PEX3: variants seen among roughly 807,000 people sequenced by gnomAD.
The protein encoded by PEX3 is peroxin-3.
Under a neutral mutation model 55.8 loss-of-function variants are expected in PEX3, and 30 were observed. The observed-to-expected ratio is 0.54, with a 90% confidence interval of 0.40 to 0.73. PEX3 has a LOEUF of 0.73. Ranked by LOEUF, PEX3 falls within the 30% of genes least tolerant of loss-of-function variation. The pLI, the probability that PEX3 is intolerant of heterozygous loss-of-function variation, is 0.00. For missense variants in PEX3, 351 were observed against 432.8 expected (o/e 0.81, Z 1.68); for synonymous variants, 135 against 148.4 (o/e 0.91, Z 0.66).
intron 4 of PEX3, 70 bp downstream of exon 4, chr6:143,468,235 T>C: frequency 2.0e-6 from 2 of 1,023,256 alleles, no homozygotes; most frequent in Non-Finnish European, 3.1e-6. Context: ...TGCATTCTAT[T>C]AGGATGACTC....
In PEX3 at chr6:143,488,667, G is replaced by A. The variant is rs1270875310; in HGVS notation, c.1039-476G>A. Among the ~76,000 whole-genome samples, 1 of 151,944 alleles carries A rather than the reference G, an allele frequency of 6.6e-6. No individual in the cohort carries two copies. Among genetic ancestry groups the A allele is most frequent in the Non-Finnish European group, 1.5e-5 (1 of 67,950 alleles). On this transcript the variant is annotated intron_variant, in intron 11 of 11. Transcript: ENST00000367591. The surrounding 1 kb of genome is among the most constrained non-coding windows in gnomAD (Gnocchi z 4.9). ...ATCTTCACATTCGCAAATCCCTTGG[G>A]GTGTTAATAACCCTTACACTATAGT...
At position 143,459,269 on chromosome 6, in the gene PEX3, A is replaced by G. The variant is rs1584003150; in HGVS notation, c.205+53A>G. 6.8e-7 allele frequency: 1 copy of G among 1,478,552 alleles called. No individual in the cohort carries two copies. The highest frequency in any genetic ancestry group is 2.3e-5 in the East Asian group (1 of 43,992). 91.6% of individuals were successfully genotyped at this position (1,478,552 alleles called of 1,614,324 possible). On this transcript the variant is annotated intron_variant, in intron 2 of 11. Transcript: ENST00000367591. This position sits in a 1 kb window ranked among gnomAD's most constrained non-coding sequence, Gnocchi z 4.2. The stretch of plus-strand genomic sequence containing the variant: ...GTAAAGTTGTTTGACGGTTGTATTA[A>G]TTTGCATATCACCGGGATCAAATTT...
At position 143,477,811 on chromosome 6, in the gene PEX3, C is replaced by T. The variant is rs147936403; in HGVS notation, c.819-1265C>T. Among the ~76,000 whole-genome samples, 118 of 152,158 alleles carry T rather than the reference C, an allele frequency of 7.8e-4. 4 individuals carry two copies. In the East Asian group the frequency reaches 0.019, roughly 25 times the overall value. On this transcript the variant is annotated intron_variant, in intron 9 of 11. Coordinates refer to ENST00000367591, the MANE Select transcript of PEX3 (RefSeq NM_003630.3). ...CTATGATGATCTTTTCTTCAGTTTC[C>T]ATTTCTTCAACTTTCATCCCCTTAA...
chr6:143,485,025 G>GT lies in PEX3; in HGVS notation c.942-119dup, dbSNP rs373007302. The stretch of plus-strand genomic sequence containing the variant: ...TATTTCTAAGCGATAGAATTGTGGG[G>GT]TTTTTTTTCCTTTTTAATAGATTTC... On this transcript the variant is annotated intron_variant, in intron 10 of 11. Transcript: ENST00000367591. This position sits in a 1 kb window ranked among gnomAD's most constrained non-coding sequence, Gnocchi z 5.6. 6.3e-5 allele frequency: 44 copies of GT among 696,184 alleles called. No homozygotes were observed. The highest frequency in any genetic ancestry group is 1.6e-4 in the Admixed American group (7 of 45,068). 43.1% of individuals were successfully genotyped at this position (696,184 alleles called of 1,614,324 possible).
rs983761140 is a variant in PEX3, at chr6:143,450,884, G to A, written c.-159G>A. On this transcript the variant is annotated 5_prime_UTR_variant, in exon 1 of 12. Transcript: ENST00000367591. ...GTAGTCCACGCCCCCTTGCCGCTCC[G>A]GTGACAGTCTCTGCGGAAAGTCACG... is the stretch of plus-strand genomic sequence containing the variant. The A allele has an allele frequency of 7.5e-6, 6 of 802,796 alleles. No homozygotes were observed. Among genetic ancestry groups the A allele is most frequent in the African/African-American group, 1.7e-5 (1 of 59,610 alleles). The allele number at this position is 802,796 out of a possible 1,614,324, so 49.7% of individuals were successfully genotyped here.
chr6:143,466,002 A>G lies in PEX3; in HGVS notation c.288-2120A>G, dbSNP rs1779985762. On this transcript the variant is annotated intron_variant, in intron 3 of 11. Transcript: ENST00000367591. This position sits in a 1 kb window ranked among gnomAD's most constrained non-coding sequence, Gnocchi z 5.4. ...GTAATTTATTTTTATTGTATTTAACAAAAGTGCTGCTCTGTGACAGATTGG... is the reference window on the plus strand; with the variant it reads ...GTAATTTATTTTTATTGTATTTAACGAAAGTGCTGCTCTGTGACAGATTGG... Among the ~76,000 whole-genome samples the G allele has an allele frequency of 6.6e-6, 1 of 152,030 alleles. No individual in the cohort carries two copies. Among genetic ancestry groups the G allele is most frequent in the African/African-American group, 2.4e-5 (1 of 41,432 alleles).
At position 143,487,311 on chromosome 6, in the gene PEX3, A is replaced by G. The variant is rs559547844; in HGVS notation, c.1039-1832A>G. 6.6e-5 allele frequency among the ~76,000 whole-genome samples: 10 copies of G among 152,272 alleles called. No individual in the cohort carries two copies. Among genetic ancestry groups the G allele is most frequent in the African/African-American group, 2.2e-4 (9 of 41,566 alleles). On this transcript the variant is annotated intron_variant, in intron 11 of 11. Coordinates refer to ENST00000367591, the MANE Select transcript of PEX3 (RefSeq NM_003630.3). The surrounding 1 kb of genome is among the most constrained non-coding windows in gnomAD (Gnocchi z 5.3). ...AGCTGATATAAGTTAGCTATGACCT[A>G]TGAGCCAAATCCAGCCAAGCACCAG...
Position 143,469,836 on chromosome 6 carries a change from C to G in PEX3, c.332-1125C>G, listed in dbSNP as rs367734705. Among the ~76,000 whole-genome samples, 29 of 152,298 alleles carry G rather than the reference C, an allele frequency of 1.9e-4. No homozygotes were observed. In the East Asian group the frequency reaches 5.2e-3, roughly 27 times the overall value. The stretch of plus-strand genomic sequence containing the variant: ...TCTAACATTTAAGTCTTTAATCCAT[C>G]TTGAATTAATTTTTGTATAAGGTGT... On this transcript the variant is annotated intron_variant, in intron 4 of 11. Transcript: ENST00000367591.
rs755363447 is a variant in PEX3, at chr6:143,451,223, G to A, written c.73+108G>A. 2.4e-6 allele frequency: 2 copies of A among 843,098 alleles called. No individual in the cohort carries two copies. Among genetic ancestry groups the A allele is most frequent in the Non-Finnish European group, 4.1e-6 (2 of 489,894 alleles). 52.2% of individuals were successfully genotyped at this position (843,098 alleles called of 1,614,324 possible). On this transcript the variant is annotated intron_variant, in intron 1 of 11. Transcript: ENST00000367591. The surrounding 1 kb of genome is among the most constrained non-coding windows in gnomAD (Gnocchi z 4.1). ...CGATCCTAGTCTGGGATATGTAGAG[G>A]GAGTTCGATCAACCATGGGATGAAA...
At position 143,485,102 on chromosome 6, in the gene PEX3, G is replaced by C. The variant is rs1369169339; in HGVS notation, c.942-50G>C. 16 of 960,784 alleles carry C rather than the reference G, an allele frequency of 1.7e-5. No homozygotes were observed. The highest frequency in any genetic ancestry group is 2.6e-5 in the Non-Finnish European group (15 of 584,736). The allele number at this position is 960,784 out of a possible 1,614,324, so 59.5% of individuals were successfully genotyped here. Reference sequence around the variant, plus strand: ...TTACTTTTATAATTAAGATGTTAAAGTCCTGTGGGGTCATTTCAGAAAATA... The same window carrying C: ...TTACTTTTATAATTAAGATGTTAAACTCCTGTGGGGTCATTTCAGAAAATA... On this transcript the variant is annotated intron_variant, in intron 10 of 11. Coordinates refer to ENST00000367591, the MANE Select transcript of PEX3 (RefSeq NM_003630.3). This position sits in a 1 kb window ranked among gnomAD's most constrained non-coding sequence, Gnocchi z 5.6.
rs911492733 is a variant in PEX3, at chr6:143,454,503, TATTC to T, written c.73+3405_73+3408del. Among the ~76,000 whole-genome samples the T allele has an allele frequency of 4.6e-5, 7 of 152,226 alleles. No homozygotes were observed. Among genetic ancestry groups the T allele is most frequent in the African/African-American group, 1.2e-4 (5 of 41,458 alleles). ...CTGTAATCTCTGGCTTCACATTTTT[TATTC>T]ATTCATTCATTCATTCTGTCATTGA... On this transcript the variant is annotated intron_variant, in intron 1 of 11. Transcript: ENST00000367591. This position sits in a 1 kb window ranked among gnomAD's most constrained non-coding sequence, Gnocchi z 4.3.
intron 1 of PEX3, among the ~76,000 whole-genome samples, chr6:143,456,301 A>G (rs1483320415): frequency 6.6e-6 from 1 of 152,164 alleles, no homozygotes; most frequent in Non-Finnish European, 1.5e-5. Context: ...CATGAGCTCC[A>G]TGTTTTAGCT....
In PEX3 at chr6:143,451,241, G is replaced by C; in HGVS notation, c.73+126G>C. 1 of 763,278 alleles carries C rather than the reference G, an allele frequency of 1.3e-6. No homozygotes were observed. The highest frequency in any genetic ancestry group is 2.3e-6 in the Non-Finnish European group (1 of 431,648). 47.3% of individuals were successfully genotyped at this position (763,278 alleles called of 1,614,324 possible). A position where few individuals can be genotyped will look rare whatever the true frequency, so the allele number is the denominator to read the frequency against. ...TGTAGAGGGAGTTCGATCAACCATG[G>C]GATGAAAAGGGAGGTGGCCAACCTC... On this transcript the variant is annotated intron_variant, in intron 1 of 11. Transcript: ENST00000367591. The surrounding 1 kb of genome is among the most constrained non-coding windows in gnomAD (Gnocchi z 4.1).
chr6:143,471,720 T>C lies in PEX3; in HGVS notation c.578+109T>C. ...CTTGACAAACGGTGATTTGTGAAAC[T>C]CTTTGTAATAAAATCAGATACCATC... On this transcript the variant is annotated intron_variant, in intron 7 of 11. Transcript: ENST00000367591. The surrounding 1 kb of genome is among the most constrained non-coding windows in gnomAD (Gnocchi z 5.4). The C allele has an allele frequency of 6.1e-6, 5 of 824,942 alleles. No homozygotes were observed. The highest frequency in any genetic ancestry group is 1.8e-5 in the Admixed American group (1 of 56,416). 51.1% of individuals were successfully genotyped at this position (824,942 alleles called of 1,614,324 possible).
chr6:143,462,802 T>C lies in PEX3; in HGVS notation c.206-114T>C. The C allele has an allele frequency of 1.3e-6, 1 of 771,264 alleles. No individual in the cohort carries two copies. The highest frequency in any genetic ancestry group is 2.3e-6 in the Non-Finnish European group (1 of 425,848). 47.8% of individuals were successfully genotyped at this position (771,264 alleles called of 1,614,324 possible). Reference sequence around the variant, plus strand: ...TGAATCGTCTAGCCCTGACTTTCCCTTCTGACTCTTGCTAGTTGCTAGCCC... The same window carrying C: ...TGAATCGTCTAGCCCTGACTTTCCCCTCTGACTCTTGCTAGTTGCTAGCCC... On this transcript the variant is annotated intron_variant, in intron 2 of 11. Coordinates refer to ENST00000367591, the MANE Select transcript of PEX3 (RefSeq NM_003630.3). This position sits in a 1 kb window ranked among gnomAD's most constrained non-coding sequence, Gnocchi z 4.1.
At position 143,466,001 on chromosome 6, in the gene PEX3, C is replaced by CA. The variant is rs1779985799; in HGVS notation, c.288-2117dup. ...AGTAATTTATTTTTATTGTATTTAA[C>CA]AAAAGTGCTGCTCTGTGACAGATTG... is the stretch of plus-strand genomic sequence containing the variant. On this transcript the variant is annotated intron_variant, in intron 3 of 11. Transcript: ENST00000367591. This position sits in a 1 kb window ranked among gnomAD's most constrained non-coding sequence, Gnocchi z 5.4. 6.6e-6 allele frequency among the ~76,000 whole-genome samples: 1 copy of CA among 151,214 alleles called. No individual in the cohort carries two copies. Among genetic ancestry groups the CA allele is most frequent in the African/African-American group, 2.4e-5 (1 of 41,156 alleles).
At chr6:143,477,666 T>G (rs749231722) in intron 9 of PEX3, among the ~76,000 whole-genome samples, 1 of 152,230 alleles carries the variant, frequency 6.6e-6, no homozygotes, top group South Asian at 2.1e-4. Context: ...CTAAATGAAT[T>G]CAATTCAATA....
chr6:143,456,880 G>C (rs889652424), intron 1 of PEX3, among the ~76,000 whole-genome samples: 1 of 152,052 alleles, frequency 6.6e-6, no homozygotes, highest in Non-Finnish European at 1.5e-5. Flanking sequence ...TCACGTTCAG[G>C]AAAATTTCGC....
chr6:143,462,869 A>G lies in PEX3; in HGVS notation c.206-47A>G. On this transcript the variant is annotated intron_variant, in intron 2 of 11. Coordinates refer to ENST00000367591, the MANE Select transcript of PEX3 (RefSeq NM_003630.3). This position sits in a 1 kb window ranked among gnomAD's most constrained non-coding sequence, Gnocchi z 4.1. Reference sequence around the variant, plus strand: ...ACAATGCGCATTTCTTAGTGAGGGCAGTCATATCACTTGTGACCTTTTTTA... The same window carrying G: ...ACAATGCGCATTTCTTAGTGAGGGCGGTCATATCACTTGTGACCTTTTTTA... The G allele has an allele frequency of 7.4e-7, 1 of 1,358,126 alleles. No homozygotes were observed. Among genetic ancestry groups the G allele is most frequent in the Non-Finnish European group, 1.1e-6 (1 of 950,232 alleles). The allele number at this position is 1,358,126 out of a possible 1,614,324, so 84.1% of individuals were successfully genotyped here.
Sources: gnomAD v4.1 joint callset for allele counts (sites outside exome capture counted in the v4.1 genomes callset) on GRCh38, gnomAD v4.1.1 for gene constraint, Gnocchi (gnomAD v3.1) non-coding constraint, MANE v1.5 for transcripts, NCBI Gene and HGNC (gene_info 2026-07-23, HGNC 2026-07-21) for gene names.